Variants in CAMK1D observed in about 807,000 individuals in gnomAD.
The protein encoded by CAMK1D is calcium/calmodulin dependent protein kinase ID, also known as calcium/calmodulin-dependent protein kinase type 1D.
CAMK1D carries 9 observed loss-of-function variants against 47.7 expected under a neutral mutation model. The observed-to-expected ratio is 0.19, with a 90% confidence interval of 0.11 to 0.33. The LOEUF (loss-of-function observed/expected upper bound fraction) is 0.33, where lower values mean the gene tolerates loss of function less well. CAMK1D is among the 10% of genes least tolerant of loss of function. The pLI is 1.00. For synonymous variants in CAMK1D, 184 were observed against 184.9 expected (o/e 0.99, Z 0.04); for missense variants, 291 against 488.7 (o/e 0.60, Z 3.81).
At chr10:12,401,895 C>CTATATATATA (rs10635900) in intron 1 of CAMK1D, among the ~76,000 whole-genome samples, 2,195 of 146,080 alleles carry the variant, frequency 0.015, 25 homozygotes, top group Non-Finnish European at 0.023. Flanking sequence ...TATTCTCAGA[C>CTATATATATA]TATATATATA....
At chr10:12,804,426 C>G (rs1319076891) in intron 6 of CAMK1D, among the ~76,000 whole-genome samples, 1 of 151,930 alleles carries the variant, frequency 6.6e-6, no homozygotes, top group Admixed American at 6.6e-5. Flanking sequence ...CCAGCCTGGT[C>G]AATGTGGTGA....
At chr10:12,380,727 G>A (rs1321959416) in intron 1 of CAMK1D, among the ~76,000 whole-genome samples, 3 of 152,150 alleles carry the variant, frequency 2.0e-5, no homozygotes, top group African/African-American at 4.8e-5. Context: ...ATGGGGTCAC[G>A]TGCCTGTAGT....
chr10:12,694,524 G>A (rs1410286385), intron 3 of CAMK1D, among the ~76,000 whole-genome samples: 7 of 60,808 alleles, frequency 1.2e-4, no homozygotes, highest in South Asian at 1.1e-3. Context: ...AAATATATAT[G>A]ATATATATTA....
chr10:12,817,819 T>C (rs1261276332), intron 8 of CAMK1D, among the ~76,000 whole-genome samples: 1 of 152,140 alleles, frequency 6.6e-6, no homozygotes, highest in Non-Finnish European at 1.5e-5. Flanking sequence ...GCCCCGCAAG[T>C]AGCTGTGATT....
intron 2 of CAMK1D, among the ~76,000 whole-genome samples, chr10:12,634,504 G>A (rs977840080): frequency 6.6e-6 from 1 of 152,174 alleles, no homozygotes; most frequent in African/African-American, 2.4e-5. Flanking sequence ...GGGGTGGGAG[G>A]TGGCTGGAAT....
intron 1 of CAMK1D, among the ~76,000 whole-genome samples, chr10:12,506,522 C>CT (rs113048014): frequency 0.013 from 1,950 of 149,514 alleles, 38 homozygotes; most frequent in East Asian, 0.072. Context: ...TTCTCTCTTT[C>CT]TTTTTTTTTT....
intron 1 of CAMK1D, among the ~76,000 whole-genome samples, chr10:12,470,758 A>G (rs572402140): frequency 6.6e-5 from 10 of 152,160 alleles, no homozygotes; most frequent in Non-Finnish European, 1.2e-4. Context: ...CTCAAGGGAT[A>G]CACCCACCTC....
intron 1 of CAMK1D, among the ~76,000 whole-genome samples, chr10:12,399,606 C>G (rs536066970): frequency 6.6e-6 from 1 of 152,036 alleles, no homozygotes; most frequent in African/African-American, 2.4e-5. Flanking sequence ...ACTATGACAC[C>G]TAATGAAGGG....
chr10:12,380,948 G>T (rs958814604), intron 1 of CAMK1D, among the ~76,000 whole-genome samples: 9 of 152,214 alleles, frequency 5.9e-5, no homozygotes, highest in Admixed American at 5.2e-4. Context: ...CTAGTCATTT[G>T]TCAGGTTGTT....
At chr10:12,633,820 G>C (rs573616403) in intron 2 of CAMK1D, among the ~76,000 whole-genome samples, 2 of 152,316 alleles carry the variant, frequency 1.3e-5, no homozygotes, top group Non-Finnish European at 2.9e-5. Flanking sequence ...GCCTCCCAAA[G>C]TGCTGGGATT....
chr10:12,362,491 TTTTG>T (rs1204544231), intron 1 of CAMK1D, among the ~76,000 whole-genome samples: 2 of 136,084 alleles, frequency 1.5e-5, no homozygotes, highest in African/African-American at 5.4e-5. Context: ...ACTTTTTGTT[TTTTG>T]TTTTTTGTTT....
intron 6 of CAMK1D, among the ~76,000 whole-genome samples, chr10:12,809,324 G>A (rs894421801): frequency 2.0e-5 from 3 of 152,138 alleles, no homozygotes; most frequent in Non-Finnish European, 4.4e-5. Flanking sequence ...ATGTGTGGGT[G>A]TAGACTCTAT....
At chr10:12,373,956 C>CAA (rs35008954) in intron 1 of CAMK1D, among the ~76,000 whole-genome samples, 17,205 of 85,878 alleles carry the variant, frequency 0.2, 2,278 homozygotes, top group South Asian at 0.26. Context: ...CACTCTTTAT[C>CAA]AAAAAAAAAA....
chr10:12,652,397 C>A (rs1183298859), intron 2 of CAMK1D, among the ~76,000 whole-genome samples: 8 of 136,210 alleles, frequency 5.9e-5, no homozygotes, highest in African/African-American at 2.2e-4. Flanking sequence ...CTGGCTAACA[C>A]GGTGAAACCC....
chr10:12,545,343 A>T (rs1179513124), intron 1 of CAMK1D, among the ~76,000 whole-genome samples: 2 of 151,920 alleles, frequency 1.3e-5, no homozygotes, highest in South Asian at 4.2e-4. Context: ...TTAGCTACTC[A>T]GGATACTGAG....
intron 2 of CAMK1D, among the ~76,000 whole-genome samples, chr10:12,569,085 A>G (rs61848328): frequency 0.12 from 18,878 of 152,120 alleles, 1,968 homozygotes; most frequent in African/African-American, 0.29. Context: ...TTTCCATGGT[A>G]TTGTTGCTGA....
rs141134759 is a variant in CAMK1D, at chr10:12,659,074, C to T, written c.225-7662C>T. ...TTCACCCCAGATGCTGCTGTGGGGTCGGAGGCCCACAGCCTGCCCGTCTGC... is the reference window on the plus strand; with the variant it reads ...TTCACCCCAGATGCTGCTGTGGGGTTGGAGGCCCACAGCCTGCCCGTCTGC... On this transcript the variant is annotated intron_variant, in intron 2 of 10. Transcript: ENST00000619168. Among the ~76,000 whole-genome samples, 9 of 152,270 alleles carry T rather than the reference C, an allele frequency of 5.9e-5. No individual in the cohort carries two copies. In the East Asian group the frequency reaches 1.5e-3, roughly 26 times the overall value.
intron 8 of CAMK1D, among the ~76,000 whole-genome samples, chr10:12,817,497 C>T (rs1280410168): frequency 6.6e-6 from 1 of 152,188 alleles, no homozygotes; most frequent in Non-Finnish European, 1.5e-5. Flanking sequence ...TAGAAACCAG[C>T]TTCACTATCA....
intron 1 of CAMK1D, among the ~76,000 whole-genome samples, chr10:12,494,784 G>A (rs1834488608): frequency 1.3e-5 from 2 of 152,140 alleles, no homozygotes; most frequent in South Asian, 2.1e-4. Context: ...GGCCAGGCCG[G>A]TCTCAAACTC....
Sources: gnomAD v4.1 joint callset for allele counts (sites outside exome capture counted in the v4.1 genomes callset) on GRCh38, gnomAD v4.1.1 for gene constraint, MANE v1.5 for transcripts, NCBI Gene and HGNC (gene_info 2026-07-23, HGNC 2026-07-21) for gene names.